TTC23L: variants seen among roughly 807,000 people sequenced by gnomAD.
TTC23L encodes tetratricopeptide repeat protein 23-like.
A neutral mutation model predicts 48.1 loss-of-function variants in TTC23L; 42 were observed. That is an observed-to-expected ratio of 0.87 (90% CI 0.68 to 1.13). TTC23L has a LOEUF of 1.13. Ranked by LOEUF, TTC23L falls within the 50% of genes most tolerant of loss-of-function variation. The pLI, the probability that TTC23L is intolerant of heterozygous loss-of-function variation, is 0.00. For synonymous variants in TTC23L, 159 were observed against 157.2 expected (o/e 1.01, Z -0.09); for missense variants, 391 against 421.0 (o/e 0.93, Z 0.62).
At chr5:34,923,983 G>A in the TTC23L span, among the ~76,000 whole-genome samples, 1 of 152,192 alleles carries the variant, frequency 6.6e-6, no homozygotes, top group Admixed American at 6.5e-5. Flanking sequence ...TTTGTAGAAA[G>A]TGCTGTAAAG....
chr5:34,873,718 T>A (rs1761636099), intron 8 of TTC23L, among the ~76,000 whole-genome samples: 1 of 152,116 alleles, frequency 6.6e-6, no homozygotes, highest in Non-Finnish European at 1.5e-5. Flanking sequence ...TCTCCCCACA[T>A]CCCTGGATAC....
intron 9 of TTC23L, among the ~76,000 whole-genome samples, chr5:34,886,586 C>T (rs1762558141): frequency 6.6e-6 from 1 of 152,116 alleles, no homozygotes; most frequent in Non-Finnish European, 1.5e-5. Context: ...TTCCCCTGGG[C>T]TTGTAAGCAG....
chr5:34,889,343 C>T (rs1019828513), intron 9 of TTC23L, among the ~76,000 whole-genome samples: 1 of 152,146 alleles, frequency 6.6e-6, no homozygotes, highest in African/African-American at 2.4e-5. Flanking sequence ...ACTCTAAAGG[C>T]CATGTGTTTT....
chr5:34,841,835 A>C (rs189788733), intron 2 of TTC23L, among the ~76,000 whole-genome samples: 7 of 152,216 alleles, frequency 4.6e-5, no homozygotes, highest in Admixed American at 4.6e-4. Flanking sequence ...TTCTTTAACC[A>C]TTCTCTATAG....
In TTC23L at chr5:34,845,481, C is replaced by T. The variant is rs767009779; in HGVS notation, c.69-6C>T. 6.2e-7 allele frequency: 1 copy of T among 1,611,172 alleles called. No individual in the cohort carries two copies. Among genetic ancestry groups the T allele is most frequent in the Non-Finnish European group, 8.5e-7 (1 of 1,178,936 alleles). The stretch of plus-strand genomic sequence containing the variant: ...TCCTGAATCCTTGCCTCTCTCATAC[C>T]TACAGGTCACAGCAAACCGAGATCC... On this transcript the variant is annotated splice_region_variant and splice_polypyrimidine_tract_variant and intron_variant, in intron 2 of 10. Transcript: ENST00000505624.
chr5:34,842,255 A>G (rs187138750), intron 2 of TTC23L, among the ~76,000 whole-genome samples: 1 of 152,332 alleles, frequency 6.6e-6, no homozygotes, highest in East Asian at 1.9e-4. Context: ...AATACAGCAC[A>G]TATTTTACAT....
At chr5:34,916,210 GAGT>G in the TTC23L span, 5 of 228,658 alleles carry the variant, frequency 2.2e-5, no homozygotes, top group African/African-American at 1.1e-4. Context: ...TGTTTTTGGA[GAGT>G]AGTGCTTTTC....
chr5:34,865,453 T>A (rs1760981659), intron 6 of TTC23L, among the ~76,000 whole-genome samples: 1 of 152,248 alleles, frequency 6.6e-6, no homozygotes, highest in African/African-American at 2.4e-5. Context: ...CTGGTGAATG[T>A]CTACTCCTGT....
chr5:34,915,643 G>A, the TTC23L span: 17,827 of 1,416,276 alleles, frequency 0.013, 139 homozygotes, highest in African/African-American at 0.038. Context: ...GACGACCGCG[G>A]AGCTGAGCGC....
At chr5:34,898,283 C>T (rs1763352391) in intron 10 of TTC23L, among the ~76,000 whole-genome samples, 1 of 152,120 alleles carries the variant, frequency 6.6e-6, no homozygotes, top group Non-Finnish European at 1.5e-5. Flanking sequence ...TACTACCAAG[C>T]TGATGTGGAA....
Position 34,863,197 on chromosome 5 carries a change from C to G in TTC23L, c.536+143C>G, listed in dbSNP as rs1760807839. ...CATCAAGGCCCTCCATGAGCCTCTC[C>G]TCTCCATCTAGAAGGGTGTGTATTC... is the stretch of plus-strand genomic sequence containing the variant. On this transcript the variant is annotated intron_variant, in intron 5 of 10. Coordinates refer to ENST00000505624, the Ensembl canonical transcript of TTC23L. The surrounding 1 kb of genome is among the most constrained non-coding windows in gnomAD (Gnocchi z 4.1). The G allele has an allele frequency of 2.1e-6, 2 of 968,738 alleles. No individual in the cohort carries two copies. Among genetic ancestry groups the G allele is most frequent in the African/African-American group, 3.3e-5 (2 of 61,152 alleles). 60.0% of individuals were successfully genotyped at this position (968,738 alleles called of 1,614,324 possible).
the TTC23L span, chr5:34,919,804 T>A: frequency 1.4e-6 from 1 of 715,094 alleles, no homozygotes; most frequent in African/African-American, 1.8e-5. Flanking sequence ...AAATCACCTT[T>A]AATTTACTTG....
intron 4 of TTC23L, among the ~76,000 whole-genome samples, chr5:34,856,137 A>G (rs188317392): frequency 3.5e-4 from 53 of 152,292 alleles, no homozygotes; most frequent in African/African-American, 1.2e-3. Flanking sequence ...GTCAGAAAGG[A>G]AGTGGACTGG....
At chr5:34,901,000 C>T (rs1439659258), downstream of TTC23L, among the ~76,000 whole-genome samples, 1 of 152,174 alleles carries the variant, frequency 6.6e-6, no homozygotes, top group Non-Finnish European at 1.5e-5. Context: ...TGCATCTTTA[C>T]ATTTGTTTAC....
At chr5:34,874,558 C>G (rs925854862) in intron 8 of TTC23L, among the ~76,000 whole-genome samples, 1 of 151,640 alleles carries the variant, frequency 6.6e-6, no homozygotes, top group Non-Finnish European at 1.5e-5. Flanking sequence ...ATGAAATGCT[C>G]AATTTAACAA....
downstream of TTC23L, among the ~76,000 whole-genome samples, chr5:34,901,844 A>G (rs188418444): frequency 6.6e-6 from 1 of 152,220 alleles, no homozygotes; most frequent in Admixed American, 6.5e-5. Flanking sequence ...ATTATAAAGC[A>G]GACTTCCTGG....
intron 1 of TTC23L, among the ~76,000 whole-genome samples, chr5:34,839,880 A>G (rs921150037): frequency 2.6e-5 from 4 of 152,174 alleles, no homozygotes; most frequent in Non-Finnish European, 5.9e-5. Flanking sequence ...AACAGCAACA[A>G]CTAAAACAGA....
chr5:34,866,702 T>C (rs1458435502), intron 6 of TTC23L, among the ~76,000 whole-genome samples, 190 bp from the exon 7 acceptor site: 1 of 152,206 alleles, frequency 6.6e-6, no homozygotes, highest in Non-Finnish European at 1.5e-5. Flanking sequence ...TGAGTGGTCG[T>C]CAATGAAATC....
chr5:34,881,337 T>C (rs938997402), intron 9 of TTC23L, among the ~76,000 whole-genome samples: 1 of 152,254 alleles, frequency 6.6e-6, no homozygotes, highest in Non-Finnish European at 1.5e-5. Flanking sequence ...ATAATTGTTA[T>C]TGCTGACCTT....
Sources: gnomAD v4.1 joint callset for allele counts (sites outside exome capture counted in the v4.1 genomes callset) on GRCh38, gnomAD v4.1.1 for gene constraint, Gnocchi (gnomAD v3.1) non-coding constraint, MANE v1.5 for transcripts, NCBI Gene and HGNC (gene_info 2026-07-23, HGNC 2026-07-21) for gene names.